PDZRN4: variants seen among roughly 807,000 people sequenced by gnomAD.
PDZRN4 encodes the protein PDZ domain-containing RING finger protein 4.
PDZRN4 carries 70 observed loss-of-function variants against 99.0 expected under a neutral mutation model. The ratio of observed to expected loss-of-function variants is 0.71; its 90% confidence interval spans 0.58 to 0.86. PDZRN4 has a LOEUF of 0.86. PDZRN4 is among the 40% of genes least tolerant of loss of function. PDZRN4 has a pLI of 0.00. For missense variants in PDZRN4, 1,474 were observed against 1,331.2 expected (o/e 1.11, Z -1.67); for synonymous variants, 551 against 501.6 (o/e 1.10, Z -1.32).
chr12:41,456,812 G>T (rs1952820263), intron 3 of PDZRN4, among the ~76,000 whole-genome samples: 1 of 152,186 alleles, frequency 6.6e-6, no homozygotes, highest in Non-Finnish European at 1.5e-5. Flanking sequence ...AGGAGATTCT[G>T]CAATTGAGTA....
chr12:41,251,360 T>C (rs1038756021), intron 3 of PDZRN4, among the ~76,000 whole-genome samples: 28 of 152,298 alleles, frequency 1.8e-4, no homozygotes, highest in African/African-American at 6.5e-4. Context: ...CATATTCTCA[T>C]CTCTTCTTAA....
intron 3 of PDZRN4, among the ~76,000 whole-genome samples, chr12:41,455,477 A>G (rs1448592428): frequency 6.6e-6 from 1 of 152,214 alleles, no homozygotes; most frequent in Non-Finnish European, 1.5e-5. Context: ...CACTTCCAGA[A>G]CTCAAAAAAA....
At chr12:41,373,706 A>T (rs1008883914) in intron 3 of PDZRN4, among the ~76,000 whole-genome samples, 7 of 152,162 alleles carry the variant, frequency 4.6e-5, no homozygotes, top group African/African-American at 1.7e-4. Context: ...CTGAGGTGAC[A>T]TACATCCTCC....
Position 41,188,684 on chromosome 12 carries a change from C to G in PDZRN4, c.229C>G (p.Leu77Val), listed in dbSNP as rs767886215. 1 of 1,558,854 alleles carries G rather than the reference C, an allele frequency of 6.4e-7. No individual in the cohort carries two copies. The highest frequency in any genetic ancestry group is 8.6e-7 in the Non-Finnish European group (1 of 1,161,298). ...GCCGCTGCGCAGCCTCATCCAGAAG[C>G]TGCGAGTCCAGTGCGACTACCGCGC... ...VLPLRSLIQK[L>V]RVQCDYRARG... The change falls in exon 1 of 10, where the codon CTG becomes GTG. Residue 77 changes from leucine (L) to valine (V), a missense_variant. Physicochemically the swap from Leu to Val is conservative, Grantham distance 32. Transcript: ENST00000402685.
At chr12:41,276,446 T>C (rs541454102) in intron 3 of PDZRN4, among the ~76,000 whole-genome samples, 1 of 152,136 alleles carries the variant, frequency 6.6e-6, no homozygotes, top group Non-Finnish European at 1.5e-5. Context: ...GATTATTTTA[T>C]ACACGTCATA....
intron 3 of PDZRN4, among the ~76,000 whole-genome samples, chr12:41,495,193 G>T (rs1183435238): frequency 6.6e-6 from 1 of 151,922 alleles, no homozygotes; most frequent in African/African-American, 2.4e-5. Context: ...ATGTGTTTAT[G>T]GTGGAACAGT....
At chr12:41,294,871 G>A (rs913714125) in intron 3 of PDZRN4, among the ~76,000 whole-genome samples, 5 of 151,990 alleles carry the variant, frequency 3.3e-5, no homozygotes, top group Non-Finnish European at 5.9e-5. Context: ...ATTCTAAAAG[G>A]AGAAAAATTA....
chr12:41,465,760 C>G (rs181607052), intron 3 of PDZRN4, among the ~76,000 whole-genome samples: 1 of 152,168 alleles, frequency 6.6e-6, no homozygotes, highest in Non-Finnish European at 1.5e-5. Flanking sequence ...CAGGATGTGA[C>G]GAATTTTTAC....
chr12:41,558,749 C>T (rs901115386), intron 7 of PDZRN4, among the ~76,000 whole-genome samples: 1 of 152,174 alleles, frequency 6.6e-6, no homozygotes, highest in Non-Finnish European at 1.5e-5. Context: ...ATATGTCACA[C>T]TTAATACATG....
intron 3 of PDZRN4, among the ~76,000 whole-genome samples, chr12:41,304,395 G>A (rs1951556487): frequency 6.6e-6 from 1 of 152,238 alleles, no homozygotes; most frequent in South Asian, 2.1e-4. Context: ...TTATCTCAAA[G>A]CAATGTTTCT....
At chr12:41,469,186 A>C (rs1952961781) in intron 3 of PDZRN4, among the ~76,000 whole-genome samples, 1 of 152,144 alleles carries the variant, frequency 6.6e-6, no homozygotes, top group African/African-American at 2.4e-5. Context: ...TTTTTTTCTA[A>C]GTTTGTAAGT....
chr12:41,564,492 C>T (rs285550), intron 8 of PDZRN4, among the ~76,000 whole-genome samples: 6 of 152,084 alleles, frequency 3.9e-5, no homozygotes, highest in Admixed American at 2.0e-4. Flanking sequence ...TTTGTCTCCT[C>T]GGTTATTGAT....
chr12:41,539,127 A>G (rs1938802252), intron 5 of PDZRN4, among the ~76,000 whole-genome samples: 1 of 151,852 alleles, frequency 6.6e-6, no homozygotes, highest in African/African-American at 2.4e-5. Flanking sequence ...TAAATATAAT[A>G]TATATATTTT....
At chr12:41,479,417 C>T (rs1209480110) in intron 3 of PDZRN4, among the ~76,000 whole-genome samples, 2 of 152,112 alleles carry the variant, frequency 1.3e-5, no homozygotes, top group East Asian at 3.8e-4. Context: ...TCTTCTATGG[C>T]TGAGAGAATG....
intron 3 of PDZRN4, among the ~76,000 whole-genome samples, chr12:41,355,434 A>G (rs1358227636): frequency 6.6e-6 from 1 of 152,000 alleles, no homozygotes; most frequent in Non-Finnish European, 1.5e-5. Context: ...GACAACAGCA[A>G]ATTAGGCTTA....
intron 5 of PDZRN4, among the ~76,000 whole-genome samples, chr12:41,520,824 C>T (rs1300261663): frequency 6.6e-6 from 1 of 151,974 alleles, no homozygotes; most frequent in Non-Finnish European, 1.5e-5. Context: ...AATACAACAA[C>T]AAATAATCTA....
At chr12:41,486,532 G>T (rs529598845) in intron 3 of PDZRN4, among the ~76,000 whole-genome samples, 4 of 152,272 alleles carry the variant, frequency 2.6e-5, no homozygotes, top group East Asian at 1.9e-4. Flanking sequence ...GTGAATGAGG[G>T]TTTATGATTT....
intron 3 of PDZRN4, among the ~76,000 whole-genome samples, chr12:41,361,725 A>G (rs921548609): frequency 3.3e-5 from 5 of 152,076 alleles, no homozygotes; most frequent in African/African-American, 1.2e-4. Flanking sequence ...TTTTAAATAG[A>G]AGGCCCCTTG....
chr12:41,290,936 T>C (rs1399716955), intron 3 of PDZRN4, among the ~76,000 whole-genome samples: 1 of 152,092 alleles, frequency 6.6e-6, no homozygotes, highest in Non-Finnish European at 1.5e-5. Flanking sequence ...ATTTATCTCT[T>C]TCTAAATTGA....
Sources: gnomAD v4.1 joint callset for allele counts (sites outside exome capture counted in the v4.1 genomes callset) on GRCh38, gnomAD v4.1.1 for gene constraint, MANE v1.5 for transcripts, NCBI Gene and HGNC (gene_info 2026-07-23, HGNC 2026-07-21) for gene names.